Variants in BBOF1 observed in about 807,000 individuals in gnomAD.
BBOF1 encodes the protein basal body-orientation factor 1.
BBOF1 carries 62 observed loss-of-function variants against 68.0 expected under a neutral mutation model. The ratio of observed to expected loss-of-function variants is 0.91; its 90% confidence interval spans 0.74 to 1.13. The LOEUF (loss-of-function observed/expected upper bound fraction) is 1.13. BBOF1 is among the 50% of genes most tolerant of loss of function. The probability of loss-of-function intolerance (pLI) is 0.00; values close to 1 mark genes in which losing one functional copy is unlikely to be tolerated. For missense variants in BBOF1, 534 were observed against 600.1 expected (o/e 0.89, Z 1.15); for synonymous variants, 208 against 198.8 (o/e 1.05, Z -0.39).
At chr14:74,039,657 G>T (rs1213185516) in intron 4 of BBOF1, among the ~76,000 whole-genome samples, 1 of 151,610 alleles carries the variant, frequency 6.6e-6, no homozygotes, top group African/African-American at 2.4e-5. Context: ...GGCTGGTCTG[G>T]AACTCCTGGA....
In BBOF1 at chr14:74,065,139, G is replaced by A; in HGVS notation, c.*440G>A. The A allele has an allele frequency of 6.2e-7, 1 of 1,606,482 alleles. No homozygotes were observed. The highest frequency in any genetic ancestry group is 8.5e-7 in the Non-Finnish European group (1 of 1,173,414). On this transcript the variant is annotated 3_prime_UTR_variant, in exon 12 of 12. Transcript: ENST00000394009. ...ATTTACTGTTTCCTCTTAGGAAATA[G>A]TAAATGGATATAAGAATCTCTTAAA... is the stretch of plus-strand genomic sequence containing the variant.
rs1055814217 is a variant in BBOF1 at position 74,073,100 on chromosome 14, C to CTTATTTT, written n.1380-5079_1380-5073dup. On this transcript the variant is annotated intron_variant and non_coding_transcript_variant, in intron 9 of 12. Transcript: ENST00000492026. ...CAGGCGTGAGCCTCTGCACCTGGCC[C>CTTATTTT]TTATTTTTTATTTTTTATTTTTTTG... Among the ~76,000 whole-genome samples, 72 of 151,456 alleles carry CTTATTTT rather than the reference C, an allele frequency of 4.8e-4. 1 individual carries two copies. The highest frequency in any genetic ancestry group is 1.7e-3 in the African/African-American group (70 of 41,304).
intron 11 of BBOF1, among the ~76,000 whole-genome samples, chr14:74,063,190 C>CT (rs370230173): frequency 0.12 from 17,209 of 144,874 alleles, 1,089 homozygotes; most frequent in South Asian, 0.2. Flanking sequence ...AATAATTCTT[C>CT]TTTTTTTTTT....
At chr14:74,071,553 T>C in intron 9 of BBOF1, 2 of 1,612,022 alleles carry the variant, frequency 1.2e-6, no homozygotes, top group Non-Finnish European at 1.7e-6. Context: ...GTTAGCTTTG[T>C]CCTGTTCTCT....
intron 9 of BBOF1, among the ~76,000 whole-genome samples, chr14:74,073,394 C>T (rs8010434): frequency 0.029 from 4,427 of 151,758 alleles, 217 homozygotes; most frequent in African/African-American, 0.1. Flanking sequence ...CGTGAGTCAT[C>T]GTGCCCAGAC....
intron 5 of BBOF1, among the ~76,000 whole-genome samples, chr14:74,044,288 C>T (rs975568197): frequency 1.3e-5 from 2 of 151,238 alleles, no homozygotes; most frequent in Non-Finnish European, 2.9e-5. Context: ...AATAATAAAA[C>T]GACCTCCTCT....
chr14:74,067,000 G>T, downstream of BBOF1: 1 of 1,001,862 alleles, frequency 1.0e-6, no homozygotes, highest in Non-Finnish European at 1.5e-6. Flanking sequence ...AGGACTGCTT[G>T]AGCCCAGGAG....
chr14:74,053,835 C>T (rs1245813155), intron 8 of BBOF1, among the ~76,000 whole-genome samples: 1 of 152,010 alleles, frequency 6.6e-6, no homozygotes, highest in East Asian at 1.9e-4. Context: ...CCTCAGCCTC[C>T]CGAGGAGCTG....
At chr14:74,067,353 AAG>A (rs1406420526), downstream of BBOF1, 9 of 1,611,868 alleles carry the variant, frequency 5.6e-6, no homozygotes, top group African/African-American at 1.2e-4. Context: ...TGCAAAATCT[AAG>A]GGGGCAAGTC....
chr14:74,069,212 C>A, downstream of BBOF1: 2 of 405,262 alleles, frequency 4.9e-6, no homozygotes, highest in South Asian at 4.3e-5. Flanking sequence ...TCAAGCAATT[C>A]TCTGCCTCAG....
intron 5 of BBOF1, 52 bp downstream of exon 5, chr14:74,040,697 G>A: frequency 2.0e-6 from 2 of 1,023,186 alleles, no homozygotes; most frequent in East Asian, 2.7e-5. Flanking sequence ...GAACATAAGT[G>A]TATTTATATG....
chr14:74,074,746 T>C (rs1595129801), intron 9 of BBOF1, among the ~76,000 whole-genome samples: 1 of 152,314 alleles, frequency 6.6e-6, no homozygotes. Flanking sequence ...GACAACTATC[T>C]GGCAGGGTCA....
chr14:74,040,743 ATAGAAGAT>A (rs2059810666), intron 5 of BBOF1, 98 bp downstream of exon 5: 5 of 684,900 alleles, frequency 7.3e-6, no homozygotes, highest in Non-Finnish European at 1.2e-5. Flanking sequence ...TGGTATCTTA[ATAGAAGAT>A]TAGAAGATTG....
At chr14:74,036,021 T>C (rs1210513208) in intron 4 of BBOF1, among the ~76,000 whole-genome samples, 1 of 152,060 alleles carries the variant, frequency 6.6e-6, no homozygotes, top group Non-Finnish European at 1.5e-5. Context: ...TGCAGTCCAG[T>C]GTATACACAG....
chr14:74,071,702 AGATCATTTGAGTAAAGAGTAAAGT>A, intron 9 of BBOF1: 1 of 1,475,758 alleles, frequency 6.8e-7, no homozygotes, highest in Non-Finnish European at 9.2e-7. Flanking sequence ...ACCCACTGGA[AGATCATTTGAGTAAAGAGTAAAGT>A]AAATCAGTCT....
chr14:74,043,598 T>C (rs1176899396), intron 5 of BBOF1, among the ~76,000 whole-genome samples: 2 of 149,136 alleles, frequency 1.3e-5, no homozygotes, highest in Non-Finnish European at 3.0e-5. Flanking sequence ...AGAGTCTCAC[T>C]TTGTCACCTA....
chr14:74,069,185 A>G (rs1595121868), downstream of BBOF1: 1 of 453,436 alleles, frequency 2.2e-6, no homozygotes, highest in East Asian at 4.8e-5. Flanking sequence ...GCTCACTGCA[A>G]CCTCCGCCTC....
At position 74,065,071 on chromosome 14, in the gene BBOF1, G is replaced by A; in HGVS notation, c.*372G>A. ...ATTCCTGAGGAAGAAATGGGGCAAT[G>A]TGGGAGGTCATGGGGGCAATCTTAA... On this transcript the variant is annotated 3_prime_UTR_variant, in exon 12 of 12. Coordinates refer to ENST00000394009, the MANE Select transcript of BBOF1 (RefSeq NM_025057.3). 7.0e-7 allele frequency: 1 copy of A among 1,423,790 alleles called. No homozygotes were observed. Among genetic ancestry groups the A allele is most frequent in the Non-Finnish European group, 9.8e-7 (1 of 1,019,354 alleles). The allele number at this position is 1,423,790 out of a possible 1,614,324, so 88.2% of individuals were successfully genotyped here. A position where few individuals can be genotyped will look rare whatever the true frequency, so the allele number is the denominator to read the frequency against.
intron 2 of BBOF1, among the ~76,000 whole-genome samples, chr14:74,023,980 G>C (rs2059367140): frequency 6.6e-6 from 1 of 151,062 alleles, no homozygotes; most frequent in Admixed American, 6.6e-5. Flanking sequence ...CTAACATTTT[G>C]GAGCCACTAC....
Sources: gnomAD v4.1 joint callset for allele counts (sites outside exome capture counted in the v4.1 genomes callset) on GRCh38, gnomAD v4.1.1 for gene constraint, MANE v1.5 for transcripts, NCBI Gene and HGNC (gene_info 2026-07-23, HGNC 2026-07-21) for gene names.